Variants in KIF23 observed in about 807,000 individuals in gnomAD.
The protein encoded by KIF23 is kinesin-like protein KIF23.
In KIF23, 30 loss-of-function variants were observed where a neutral mutation model predicts 137.5. The ratio of observed to expected loss-of-function variants is 0.22; its 90% confidence interval spans 0.16 to 0.30. KIF23 has a LOEUF of 0.30. Among genes scored for constraint, KIF23 ranks in the 10% least tolerant of loss-of-function variants. The pLI is 1.00. For missense variants in KIF23, 920 were observed against 1,194.3 expected, an observed-to-expected ratio of 0.77 and a Z score of 3.38; for synonymous variants, 367 against 391.1, an observed-to-expected ratio of 0.94 and a Z score of 0.73.
At chr15:69,434,895 A>G in intron 11 of KIF23, 1 of 716,892 alleles carries the variant, frequency 1.4e-6, no homozygotes, top group Non-Finnish European at 2.4e-6. Context: ...CTTGCCCATC[A>G]CCATGCCCAG....
At chr15:69,440,547 G>C in intron 18 of KIF23, 60 bp downstream of exon 18, 1 of 1,429,540 alleles carries the variant, frequency 7.0e-7, no homozygotes, top group Non-Finnish European at 9.4e-7. Flanking sequence ...CAGATTAGAT[G>C]ACTATTTCTA....
chr15:69,438,191 A>G lies in KIF23; in HGVS notation c.1598-57A>G, dbSNP rs368504876. The G allele has an allele frequency of 1.2e-5, 17 of 1,448,164 alleles. No individual in the cohort carries two copies. The African/African-American group carries it at 2.0e-4, about 17-fold the overall frequency. 89.7% of individuals were successfully genotyped at this position (1,448,164 alleles called of 1,614,324 possible). A position where few individuals can be genotyped will look rare whatever the true frequency, so the allele number is the denominator to read the frequency against. ...ATCTAGTGTCTGCTAGCAAAAGTTG[A>G]TATCATTGTTTGTTTTAGAACTGGT... On this transcript the variant is annotated intron_variant, in intron 15 of 23. Transcript: ENST00000679126.
Position 69,414,368 on chromosome 15 carries a change from C to G in KIF23, c.-98C>G. ...GGCTTCGCAGAGCACCGCGCCTTAG[C>G]CGCGAAGTTCTAGTTCTTGCTGCCG... On this transcript the variant is annotated 5_prime_UTR_variant, in exon 1 of 24. Transcript: ENST00000679126. 1 of 1,500,442 alleles carries G rather than the reference C, an allele frequency of 6.7e-7. No homozygotes were observed. The highest frequency in any genetic ancestry group is 9.0e-7 in the Non-Finnish European group (1 of 1,109,154). 92.9% of individuals were successfully genotyped at this position (1,500,442 alleles called of 1,614,324 possible). A position where few individuals can be genotyped will look rare whatever the true frequency, so the allele number is the denominator to read the frequency against.
intron 19 of KIF23, among the ~76,000 whole-genome samples, chr15:69,441,607 C>T (rs1012539726): frequency 3.3e-5 from 5 of 152,166 alleles, no homozygotes; most frequent in South Asian, 2.1e-4. Context: ...CCTTTTTCCC[C>T]TAAGCCTTGT....
intron 12 of KIF23, 21 bp from the exon 13 acceptor site, chr15:69,435,631 T>G: frequency 6.2e-7 from 1 of 1,613,282 alleles, no homozygotes; most frequent in Non-Finnish European, 8.5e-7. Flanking sequence ...GTAACACATT[T>G]GGATATGAAT....
At chr15:69,417,657 T>G (rs1384968141) in intron 3 of KIF23, 146 bp downstream of exon 3, 2 of 873,650 alleles carry the variant, frequency 2.3e-6, no homozygotes, top group Non-Finnish European at 3.4e-6. Context: ...ATCTAAAGTG[T>G]TTTTGACTTC....
rs759387031 is a variant in KIF23 at position 69,435,683 on chromosome 15, A to G, written c.1226A>G (p.His409Arg). 1 of 1,614,112 alleles carries G rather than the reference A, an allele frequency of 6.2e-7. No individual in the cohort carries two copies. The highest frequency in any genetic ancestry group is 1.1e-5 in the South Asian group (1 of 91,066). ...MVPYRDSKLTHLFKNYFDGEG... is the reference protein window; with the variant it reads ...MVPYRDSKLTRLFKNYFDGEG... ...CCATATCGAGATTCAAAGTTAACCC[A>G]TCTGTTCAAGAACTACTTTGATGGG... is the stretch of plus-strand genomic sequence containing the variant. Residue 409 changes from histidine (H) to arginine (R), a missense_variant, in exon 13 of 24, where the codon CAT becomes CGT. By Grantham distance (29) the His-to-Arg change is conservative. Coordinates refer to ENST00000679126, the MANE Select transcript of KIF23 (RefSeq NM_001367805.3).
intron 3 of KIF23, among the ~76,000 whole-genome samples, chr15:69,418,460 C>A (rs2056973012): frequency 6.6e-6 from 1 of 152,126 alleles, no homozygotes; most frequent in African/African-American, 2.4e-5. Flanking sequence ...CCCTTGTTTT[C>A]TTCTCAAGGA....
At chr15:69,434,590 T>C (rs2057428345) in intron 11 of KIF23, 1 of 1,240,100 alleles carries the variant, frequency 8.1e-7, no homozygotes, top group East Asian at 2.3e-5. Flanking sequence ...CATCTCCTTC[T>C]TCCAAGGTCA....
intron 10 of KIF23, chr15:69,427,638 C>CTATT: frequency 2.9e-6 from 1 of 339,972 alleles, no homozygotes; most frequent in South Asian, 2.3e-5. Flanking sequence ...ATGCAGATCA[C>CTATT]TATTTACTGC....
chr15:69,439,840 CTATT>C, intron 16 of KIF23, 60 bp from the exon 17 acceptor site: 1 of 1,259,294 alleles, frequency 7.9e-7, no homozygotes, highest in Non-Finnish European at 1.1e-6. Flanking sequence ...TTAAGGAAGA[CTATT>C]TTATAGCGAC....
Position 69,426,051 on chromosome 15 carries a change from T to A in KIF23, c.777-19T>A. 2 of 1,471,848 alleles carry A rather than the reference T, an allele frequency of 1.4e-6. No homozygotes were observed. The highest frequency in any genetic ancestry group is 2.7e-5 in the South Asian group (2 of 73,242). The allele number at this position is 1,471,848 out of a possible 1,614,324, so 91.2% of individuals were successfully genotyped here. A position where few individuals can be genotyped will look rare whatever the true frequency, so the allele number is the denominator to read the frequency against. On this transcript the variant is annotated intron_variant, in intron 8 of 23. Transcript: ENST00000679126. ...CATCTCATAATTTAGGAGACTAATC[T>A]TTTTTTTCTTTCCCATAGACCTCCA... is the stretch of plus-strand genomic sequence containing the variant.
chr15:69,429,837 A>G (rs2057309320), intron 11 of KIF23, among the ~76,000 whole-genome samples: 1 of 152,092 alleles, frequency 6.6e-6, no homozygotes. Flanking sequence ...CCTTGGCAAC[A>G]TGATGAAACC....
chr15:69,429,810 C>T (rs557104485), intron 11 of KIF23, among the ~76,000 whole-genome samples: 1 of 152,110 alleles, frequency 6.6e-6, no homozygotes, highest in South Asian at 2.1e-4. Flanking sequence ...CACTTGAGCC[C>T]AGGAGTTCAA....
chr15:69,440,685 A>G (rs2057594388), intron 18 of KIF23, 83 bp from the exon 19 acceptor site: 1 of 1,225,574 alleles, frequency 8.2e-7, no homozygotes, highest in Non-Finnish European at 1.1e-6. Context: ...TTAAGTCTTC[A>G]TGTGCTAACA....
intron 15 of KIF23, 148 bp from the exon 16 acceptor site, chr15:69,438,100 T>C (rs2057525610): frequency 3.3e-6 from 2 of 601,364 alleles, no homozygotes; most frequent in Non-Finnish European, 5.4e-6. Flanking sequence ...GCTCCTGATT[T>C]CCCTCTAAAC....
intron 10 of KIF23, chr15:69,427,612 C>T (rs999678632): frequency 8.0e-6 from 3 of 373,386 alleles, no homozygotes; most frequent in African/African-American, 6.4e-5. Context: ...GTCGATAGGC[C>T]AGTAGGGTCC....
rs1249838808 is a variant in KIF23, at chr15:69,444,069, C to T, written c.2422-721C>T. The T allele has an allele frequency of 6.6e-6, 1 of 152,162 alleles. No individual in the cohort carries two copies. The highest frequency in any genetic ancestry group is 1.5e-5 in the Non-Finnish European group (1 of 68,050). 9.4% of individuals were successfully genotyped at this position (152,162 alleles called of 1,614,324 possible). On this transcript the variant is annotated intron_variant, in intron 19 of 23. Transcript: ENST00000679126. This position sits in a 1 kb window ranked among gnomAD's most constrained non-coding sequence, Gnocchi z 4.2. ...AAGTGATTCCTCCACCTCGGCCTTC[C>T]AAAGTGCTGATTACAGGCATGTACC...
Sources: gnomAD v4.1 joint callset for allele counts (sites outside exome capture counted in the v4.1 genomes callset) on GRCh38, gnomAD v4.1.1 for gene constraint, Gnocchi (gnomAD v3.1) non-coding constraint, MANE v1.5 for transcripts, NCBI Gene and HGNC (gene_info 2026-07-23, HGNC 2026-07-21) for gene names.